The following ELF2 variants were observed in gnomAD, a reference collection of about 807,000 sequenced individuals.
The protein encoded by ELF2 is ETS-related transcription factor Elf-2.
A neutral mutation model predicts 54.8 loss-of-function variants in ELF2; 11 were observed. The ratio of observed to expected loss-of-function variants is 0.20; its 90% confidence interval spans 0.13 to 0.33. ELF2 has a LOEUF of 0.33. Among genes scored for constraint, ELF2 ranks in the 10% least tolerant of loss-of-function variants. The pLI is 1.00. For synonymous variants in ELF2, 203 were observed against 245.1 expected, an observed-to-expected ratio of 0.83 and a Z score of 1.61; for missense variants, 513 against 703.0, an observed-to-expected ratio of 0.73 and a Z score of 3.06.
chr4:139,149,390 T>C (rs1046599152), intron 1 of ELF2, among the ~76,000 whole-genome samples: 7 of 152,144 alleles, frequency 4.6e-5, no homozygotes, highest in East Asian at 1.9e-4. Flanking sequence ...GGCAGGTGGA[T>C]TGTGAGGTCA....
chr4:139,169,850 CTT>C (rs1330450517), intron 1 of ELF2, among the ~76,000 whole-genome samples: 2 of 119,866 alleles, frequency 1.7e-5, no homozygotes, highest in African/African-American at 6.3e-5. Flanking sequence ...GAGCGAGACT[CTT>C]GTCTTAAAAA....
intron 4 of ELF2, among the ~76,000 whole-genome samples, chr4:139,081,455 T>C (rs915708449): frequency 6.6e-6 from 1 of 152,152 alleles, no homozygotes; most frequent in Non-Finnish European, 1.5e-5. Flanking sequence ...CTAAAGCTTA[T>C]CTCCTCTAGA....
At chr4:139,065,913 A>G (rs1728627769) in intron 7 of ELF2, 1 of 151,996 alleles carries the variant, frequency 6.6e-6, no homozygotes, top group South Asian at 2.1e-4. Flanking sequence ...AAGATGTTAG[A>G]AGTGTACAAC....
intron 7 of ELF2, among the ~76,000 whole-genome samples, chr4:139,063,812 T>C (rs1274564406): frequency 1.3e-5 from 2 of 151,954 alleles, no homozygotes; most frequent in South Asian, 2.1e-4. Flanking sequence ...TCTTGGAAGA[T>C]GGCTAGGATG....
At chr4:139,159,011 T>A (rs1469202457) in intron 1 of ELF2, among the ~76,000 whole-genome samples, 1 of 152,158 alleles carries the variant, frequency 6.6e-6, no homozygotes, top group Non-Finnish European at 1.5e-5. Flanking sequence ...GCCGGTCCGT[T>A]ATCGGACTGC....
At chr4:139,156,305 A>G (rs1416035624) in intron 1 of ELF2, among the ~76,000 whole-genome samples, 2 of 152,004 alleles carry the variant, frequency 1.3e-5, no homozygotes, top group East Asian at 3.9e-4. Context: ...CCTCCCGAGT[A>G]GCTGGGACTA....
At chr4:139,092,178 A>G (rs556990337) in intron 4 of ELF2, among the ~76,000 whole-genome samples, 1 of 150,602 alleles carries the variant, frequency 6.6e-6, no homozygotes, top group Admixed American at 6.6e-5. Context: ...CCTGGCAAAC[A>G]TGGTGAAACC....
chr4:139,175,458 G>GA (rs1184166597), intron 1 of ELF2, among the ~76,000 whole-genome samples: 1 of 151,984 alleles, frequency 6.6e-6, no homozygotes, highest in African/African-American at 2.4e-5. Context: ...ATATTTACAT[G>GA]AATGTACTCT....
intron 1 of ELF2, among the ~76,000 whole-genome samples, chr4:139,151,203 A>G (rs185085037): frequency 6.6e-6 from 1 of 152,236 alleles, no homozygotes; most frequent in East Asian, 1.9e-4. Context: ...CAGATACAGA[A>G]GAGACCTAAA....
In ELF2 at chr4:139,134,289, TA is replaced by T. The variant is rs572281376; in HGVS notation, c.72+3340del. Among the ~76,000 whole-genome samples, 496 of 150,050 alleles carry T rather than the reference TA, an allele frequency of 3.3e-3. 3 individuals are homozygous for T. Among genetic ancestry groups the T allele is most frequent in the African/African-American group, 0.011 (447 of 40,894 alleles). The stretch of plus-strand genomic sequence containing the variant: ...TTCATTAAACTTACCTTCCTGGGAT[TA>T]AAAAAAAAATTGATTATGGCATTCT... On this transcript the variant is annotated intron_variant, in intron 3 of 9. Coordinates refer to ENST00000686138, the MANE Select transcript of ELF2 (RefSeq NM_001331036.3).
intron 4 of ELF2, among the ~76,000 whole-genome samples, chr4:139,092,373 G>A (rs7689791): frequency 0.97 from 140,198 of 144,638 alleles, 67,882 homozygotes; most frequent in East Asian, 0.99. Flanking sequence ...AAATCATAAC[G>A]TAACATAACA....
At chr4:139,113,804 A>C (rs1392545377) in intron 4 of ELF2, among the ~76,000 whole-genome samples, 1 of 151,922 alleles carries the variant, frequency 6.6e-6, no homozygotes, top group East Asian at 1.9e-4. Flanking sequence ...GCAGTGAGCC[A>C]AGACTGCGCC....
At chr4:139,155,648 A>C (rs1578948075) in intron 1 of ELF2, among the ~76,000 whole-genome samples, 1 of 152,340 alleles carries the variant, frequency 6.6e-6, no homozygotes. Context: ...CAACTCATGA[A>C]AAATTTAGAT....
chr4:139,061,324 G>A (rs1446486311), intron 8 of ELF2, among the ~76,000 whole-genome samples: 1 of 151,812 alleles, frequency 6.6e-6, no homozygotes, highest in African/African-American at 2.4e-5. Context: ...ACAGGCGAGC[G>A]CCACCAGACC....
At chr4:139,158,703 A>T (rs1740795587) in intron 1 of ELF2, among the ~76,000 whole-genome samples, 1 of 152,150 alleles carries the variant, frequency 6.6e-6, no homozygotes. Context: ...GGAATAAGAG[A>T]AGGAAAAAAG....
rs780378098 is a variant in ELF2 at position 139,171,601 on chromosome 4, GAAAAAAACAAAA to G, written c.-252+5354_-252+5365del. On this transcript the variant is annotated intron_variant, in intron 1 of 9. Transcript: ENST00000686138. ...ATGACTCCACTAAACAGTACACAGAGAAAAAAACAAAAAAAAAAACACAACAAATTAACAAAA... is the reference window on the plus strand; with the variant it reads ...ATGACTCCACTAAACAGTACACAGAGAAAAAAACACAACAAATTAACAAAA... 9.6e-4 allele frequency among the ~76,000 whole-genome samples: 122 copies of G among 126,730 alleles called. 1 individual carries two copies. Among genetic ancestry groups the G allele is most frequent in the Non-Finnish European group, 8.0e-4 (49 of 60,930 alleles). The allele number at this position is 126,730 out of a possible 152,430, so 83.1% of individuals were successfully genotyped here. A position where few individuals can be genotyped will look rare whatever the true frequency, so the allele number is the denominator to read the frequency against.
At chr4:139,176,912 T>A (rs1402418115) in intron 1 of ELF2, 55 bp downstream of exon 1, 1 of 151,188 alleles carries the variant, frequency 6.6e-6, no homozygotes, top group Non-Finnish European at 1.5e-5. Context: ...AGCCAGGCTT[T>A]ATCGCCGCGC....
At chr4:139,135,569 T>A (rs1049995310) in intron 3 of ELF2, among the ~76,000 whole-genome samples, 1 of 152,168 alleles carries the variant, frequency 6.6e-6, no homozygotes, top group Non-Finnish European at 1.5e-5. Flanking sequence ...TTATTTTTCA[T>A]AACATTTCTG....
chr4:139,156,003 T>C (rs556669711), intron 1 of ELF2, among the ~76,000 whole-genome samples: 1 of 152,100 alleles, frequency 6.6e-6, no homozygotes, highest in African/African-American at 2.4e-5. Context: ...CAAGAAAAAA[T>C]TGAAGAGGCT....
Sources: allele counts gnomAD v4.1 joint callset (sites outside exome capture counted in the v4.1 genomes callset), GRCh38; gene constraint gnomAD v4.1.1; transcripts MANE v1.5; gene names NCBI Gene and HGNC (gene_info 2026-07-23, HGNC 2026-07-21).